The following AFF2 variants were observed in gnomAD, a reference collection of about 807,000 sequenced individuals.
AFF2 encodes the protein AF4/FMR2 family member 2.
A neutral mutation model predicts 76.9 loss-of-function variants in AFF2; 14 were observed. The observed-to-expected ratio is 0.18, with a 90% confidence interval of 0.12 to 0.28. AFF2 has a LOEUF of 0.28. Among genes scored for constraint, AFF2 ranks in the 10% least tolerant of loss-of-function variants. The probability of loss-of-function intolerance (pLI) is 1.00; values close to 1 mark genes in which losing one functional copy is unlikely to be tolerated. For missense variants in AFF2, 868 were observed against 1,001.1 expected (o/e 0.87, Z 1.79); for synonymous variants, 398 against 366.7 (o/e 1.09, Z -0.98).
Position 148,738,432 on chromosome X carries a change from A to G in AFF2, c.1042-71444A>G, listed in dbSNP as rs148590794. On this transcript the variant is annotated intron_variant, in intron 3 of 20. Coordinates refer to ENST00000370460, the MANE Select transcript of AFF2 (RefSeq NM_002025.4). ...AAGGTGTTCATAGTAGCCTTGAATG[A>G]TCTTCTGTATTTCAGTGGTGTCAGT... is the stretch of plus-strand genomic sequence containing the variant. 4.0e-3 allele frequency among the ~76,000 whole-genome samples: 448 copies of G among 111,266 alleles called. 3 individuals carry two copies. The highest frequency in any genetic ancestry group is 0.032 in the East Asian group (113 of 3,507).
chrX:148,795,237 C>G (rs1284483723), intron 3 of AFF2, among the ~76,000 whole-genome samples: 1 of 111,277 alleles, frequency 9.0e-6, no homozygotes, highest in Non-Finnish European at 1.9e-5. Context: ...TCATATGCCA[C>G]CAGGGTTCTG....
At chrX:148,600,337 G>A (rs1557247897) in intron 1 of AFF2, among the ~76,000 whole-genome samples, 2 of 111,535 alleles carry the variant, frequency 1.8e-5, no homozygotes. Flanking sequence ...GCTGCTTTAA[G>A]AAGGGATCAG....
At chrX:148,778,280 C>T (rs181624098) in intron 3 of AFF2, among the ~76,000 whole-genome samples, 111 of 111,125 alleles carry the variant, frequency 1.0e-3, no homozygotes, top group Middle Eastern at 4.7e-3. Context: ...ATTTTTGCAT[C>T]GATGTTCGTG....
At chrX:148,690,683 C>T (rs2054642132) in intron 3 of AFF2, among the ~76,000 whole-genome samples, 1 of 112,522 alleles carries the variant, frequency 8.9e-6, no homozygotes, top group Non-Finnish European at 1.9e-5. Flanking sequence ...TGCTCAGGGG[C>T]TAAACTGCCC....
intron 1 of AFF2, among the ~76,000 whole-genome samples, chrX:148,517,538 G>T (rs782525532): frequency 1.5e-4 from 17 of 111,690 alleles, no homozygotes; most frequent in Non-Finnish European, 3.0e-4. Context: ...TTCACTTGTT[G>T]TACAAGAGGC....
At position 148,974,573 on chromosome X, in the gene AFF2, G is replaced by C. The variant is rs782591151; in HGVS notation, c.3404+966G>C. ...TACCTAAATCTTCAGACAAACACTG[G>C]ACAGATTTAGTGTGCATATTTTCCC... On this transcript the variant is annotated intron_variant, in intron 16 of 20. Transcript: ENST00000370460. 8.0e-5 allele frequency among the ~76,000 whole-genome samples: 9 copies of C among 111,929 alleles called. No individual in the cohort carries two copies. The South Asian group carries it at 3.4e-3, about 42-fold the overall frequency.
chrX:148,739,683 G>A (rs151092305), intron 3 of AFF2, among the ~76,000 whole-genome samples: 5,270 of 111,300 alleles, frequency 0.047, 274 homozygotes, highest in African/African-American at 0.15. Context: ...CTTGTTGCCT[G>A]TGTACTTTTT....
rs1557287327 is a variant in AFF2, at chrX:148,956,297, G to C, written c.2252G>C (p.Gly751Ala). The change falls in exon 11 of 21, where the codon GGT (glycine) becomes GCT (alanine). Residue 751 changes from glycine (G) to alanine (A), a missense_variant. Transcript: ENST00000370460. ...GNTAKSKEIC[G>A]ASLTLSTLMS... ...ACTGCCAAATCCAAGGAAATCTGTG[G>C]TGCCAGCCTGACCCTCAGCACCTTA... 2 of 1,211,733 alleles carry C rather than the reference G, an allele frequency of 1.7e-6. No homozygotes were observed. Among genetic ancestry groups the C allele is most frequent in the Non-Finnish European group, 2.2e-6 (2 of 895,520 alleles).
chrX:148,676,696 T>C (rs1331462168), intron 3 of AFF2, among the ~76,000 whole-genome samples: 2 of 111,865 alleles, frequency 1.8e-5, no homozygotes, highest in African/African-American at 6.5e-5. Flanking sequence ...TGGAGTATGA[T>C]TGGAAGTTTT....
chrX:148,626,289 C>T (rs2053925460), intron 1 of AFF2, among the ~76,000 whole-genome samples: 2 of 109,855 alleles, frequency 1.8e-5, no homozygotes, highest in African/African-American at 6.6e-5. Context: ...AGCTTGCACC[C>T]AAGTCATTTT....
chrX:148,717,960 A>G (rs1217506834), intron 3 of AFF2, among the ~76,000 whole-genome samples: 1 of 111,100 alleles, frequency 9.0e-6, no homozygotes, highest in Admixed American at 9.6e-5. Context: ...CCCAAGGCCC[A>G]GAATTTGATC....
intron 1 of AFF2, among the ~76,000 whole-genome samples, chrX:148,566,306 A>G (rs2053170092): frequency 9.0e-6 from 1 of 111,565 alleles, no homozygotes; most frequent in African/African-American, 3.3e-5. Context: ...GTTGAATCAG[A>G]TGCTGATTTC....
chrX:148,690,581 G>A (rs782402575), intron 3 of AFF2, among the ~76,000 whole-genome samples: 2 of 112,335 alleles, frequency 1.8e-5, no homozygotes, highest in Non-Finnish European at 3.8e-5. Context: ...ATATCAGAGT[G>A]TTTAGGCCTC....
chrX:148,837,599 G>T, intron 4 of AFF2, 48 bp from the exon 5 acceptor site: 1 of 811,947 alleles, frequency 1.2e-6, no homozygotes, highest in East Asian at 3.1e-5. Flanking sequence ...GAAAGGGCTT[G>T]ATTTTTTAAT....
intron 1 of AFF2, among the ~76,000 whole-genome samples, chrX:148,582,431 C>T (rs1476684072): frequency 1.8e-5 from 2 of 111,662 alleles, no homozygotes; most frequent in Admixed American, 1.9e-4. Flanking sequence ...TGAATATGCT[C>T]ATTTCTTCAA....
intron 4 of AFF2, among the ~76,000 whole-genome samples, chrX:148,829,460 A>G (rs1410408692): frequency 1.8e-5 from 2 of 112,085 alleles, no homozygotes; most frequent in African/African-American, 6.5e-5. Flanking sequence ...AGAGTTCAGC[A>G]AACAATCAGA....
intron 1 of AFF2, among the ~76,000 whole-genome samples, chrX:148,601,811 T>C (rs2124387991): frequency 8.9e-6 from 1 of 112,107 alleles, no homozygotes; most frequent in Admixed American, 9.4e-5. Flanking sequence ...GCAAACAGCA[T>C]AAAAATGTTT....
chrX:148,613,794 A>G (rs1454201530), intron 1 of AFF2, among the ~76,000 whole-genome samples: 1 of 111,604 alleles, frequency 9.0e-6, no homozygotes, highest in Non-Finnish European at 1.9e-5. Flanking sequence ...TCAGGTCCTC[A>G]TCACTTCTGA....
intron 1 of AFF2, among the ~76,000 whole-genome samples, chrX:148,568,141 G>A (rs139926853): frequency 0.022 from 2,448 of 111,415 alleles, 69 homozygotes; most frequent in African/African-American, 0.073. Flanking sequence ...GGAATCTCCT[G>A]TCAAAAGGGG....
Sources: gnomAD v4.1 joint callset for allele counts (sites outside exome capture counted in the v4.1 genomes callset) on GRCh38, gnomAD v4.1.1 for gene constraint, MANE v1.5 for transcripts, NCBI Gene and HGNC (gene_info 2026-07-23, HGNC 2026-07-21) for gene names.